THSD7B: variants seen among roughly 807,000 people sequenced by gnomAD.
THSD7B encodes the protein thrombospondin type 1 domain containing 7B.
THSD7B carries 138 observed loss-of-function variants against 213.6 expected under a neutral mutation model. The observed-to-expected ratio is 0.65, with a 90% confidence interval of 0.56 to 0.74. The LOEUF (loss-of-function observed/expected upper bound fraction) is 0.74, where lower values mean the gene tolerates loss of function less well. Ranked by LOEUF, THSD7B falls within the 30% of genes least tolerant of loss-of-function variation. The pLI, the probability that THSD7B is intolerant of heterozygous loss-of-function variation, is 0.00. For synonymous variants in THSD7B, 742 were observed against 687.0 expected, an observed-to-expected ratio of 1.08 and a Z score of -1.25; for missense variants, 1,931 against 1,991.5, an observed-to-expected ratio of 0.97 and a Z score of 0.58.
At chr2:137,202,956 G>A (rs1680909443) in intron 7 of THSD7B, among the ~76,000 whole-genome samples, 1 of 152,102 alleles carries the variant, frequency 6.6e-6, no homozygotes, top group Non-Finnish European at 1.5e-5. Context: ...GGGATAGATA[G>A]GTGATACATG....
chr2:136,959,676 A>G (rs1462588944), intron 2 of THSD7B, among the ~76,000 whole-genome samples: 2 of 152,208 alleles, frequency 1.3e-5, no homozygotes, highest in Non-Finnish European at 2.9e-5. Context: ...TTTTCAGCCT[A>G]AATTCTGGGT....
intron 15 of THSD7B, among the ~76,000 whole-genome samples, chr2:137,561,015 A>G (rs751821866): frequency 1.3e-5 from 2 of 152,172 alleles, no homozygotes; most frequent in African/African-American, 4.8e-5. Flanking sequence ...TTCTTAAATG[A>G]TAGACACATA....
chr2:137,221,398 C>T (rs983577336), intron 7 of THSD7B, among the ~76,000 whole-genome samples: 13 of 147,104 alleles, frequency 8.8e-5, no homozygotes, highest in East Asian at 6.0e-4. Flanking sequence ...TGTCCTGCCT[C>T]GTCATTTTGG....
In THSD7B at chr2:137,222,348, C is replaced by A. The variant is rs530263070; in HGVS notation, c.1724-8696C>A. On this transcript the variant is annotated intron_variant, in intron 7 of 27. Transcript: ENST00000409968. ...TCCAGACGTCCCAACTACTCATCAA[C>A]TATTCTGTCCATTATAATGCACTGT... Among the ~76,000 whole-genome samples, 24 of 152,312 alleles carry A rather than the reference C, an allele frequency of 1.6e-4. No homozygotes were observed. In the South Asian group the frequency reaches 5.0e-3, roughly 32 times the overall value.
intron 10 of THSD7B, among the ~76,000 whole-genome samples, chr2:137,247,963 T>A (rs765008846): frequency 1.7e-4 from 26 of 152,132 alleles, no homozygotes; most frequent in Non-Finnish European, 3.4e-4. Flanking sequence ...GATGGAACAG[T>A]GCCAGGTATA....
intron 2 of THSD7B, among the ~76,000 whole-genome samples, chr2:137,041,130 G>A (rs1490553168): frequency 6.6e-6 from 1 of 152,168 alleles, no homozygotes; most frequent in Non-Finnish European, 1.5e-5. Context: ...ATATTTTGTG[G>A]ATGGTTCAGG....
intron 12 of THSD7B, among the ~76,000 whole-genome samples, chr2:137,391,559 G>A (rs1183619096): frequency 1.3e-5 from 2 of 151,880 alleles, no homozygotes; most frequent in African/African-American, 4.8e-5. Context: ...ATGGTAGCAT[G>A]TGCCTGTATT....
chr2:136,789,180 G>A (rs1681919001), intron 1 of THSD7B, among the ~76,000 whole-genome samples: 1 of 151,820 alleles, frequency 6.6e-6, no homozygotes, highest in Non-Finnish European at 1.5e-5. Context: ...GTTTTTTTAA[G>A]TTTTTATAGT....
intron 12 of THSD7B, among the ~76,000 whole-genome samples, chr2:137,339,627 C>T (rs1684713422): frequency 6.6e-6 from 1 of 151,584 alleles, no homozygotes; most frequent in South Asian, 2.1e-4. Context: ...AAGAAAAGTG[C>T]TTTGACGTAA....
chr2:137,100,979 C>T (rs1374459943), intron 4 of THSD7B, among the ~76,000 whole-genome samples: 1 of 152,176 alleles, frequency 6.6e-6, no homozygotes, highest in East Asian at 1.9e-4. Flanking sequence ...CCAAGTTTTC[C>T]TTCTAGCACA....
At chr2:137,054,561 G>T (rs894471622) in intron 2 of THSD7B, among the ~76,000 whole-genome samples, 1 of 152,120 alleles carries the variant, frequency 6.6e-6, no homozygotes, top group South Asian at 2.1e-4. Flanking sequence ...ATGTGATTAC[G>T]TACATGTCTA....
At chr2:136,963,499 ACT>A (rs894983285) in intron 2 of THSD7B, among the ~76,000 whole-genome samples, 1 of 152,016 alleles carries the variant, frequency 6.6e-6, no homozygotes, top group Non-Finnish European at 1.5e-5. Context: ...AAAAAATAAT[ACT>A]GGCATGATGG....
intron 13 of THSD7B, among the ~76,000 whole-genome samples, chr2:137,409,580 T>C (rs977038668): frequency 6.6e-5 from 10 of 152,168 alleles, no homozygotes; most frequent in African/African-American, 2.4e-4. Flanking sequence ...TCATTTAAAA[T>C]TGAAGAAATA....
At chr2:137,655,692 C>A in intron 22 of THSD7B, 32 bp downstream of exon 22, 3 of 1,591,400 alleles carry the variant, frequency 1.9e-6, no homozygotes, top group Non-Finnish European at 2.6e-6. Flanking sequence ...GAGCGCCTCC[C>A]ATGGTGATCT....
chr2:136,790,819 A>G lies in THSD7B; in HGVS notation c.-36+25132A>G, dbSNP rs567589680. 3.3e-5 allele frequency among the ~76,000 whole-genome samples: 5 copies of G among 152,216 alleles called. No individual in the cohort carries two copies. In the East Asian group the frequency reaches 7.7e-4, roughly 24 times the overall value. ...ACGCTACAAACTGTGTATTACCTCT[A>G]AATAGAGAAACACCCAAGTGTAGCA... On this transcript the variant is annotated intron_variant, in intron 1 of 27. Coordinates refer to ENST00000409968, the MANE Select transcript of THSD7B (RefSeq NM_001316349.2).
intron 1 of THSD7B, among the ~76,000 whole-genome samples, chr2:136,858,775 G>A (rs1683214910): frequency 6.6e-6 from 1 of 152,122 alleles, no homozygotes; most frequent in Non-Finnish European, 1.5e-5. Context: ...TTACCACCCA[G>A]TGTGAAAATG....
intron 7 of THSD7B, among the ~76,000 whole-genome samples, chr2:137,207,480 T>C (rs929594397): frequency 6.6e-6 from 1 of 152,098 alleles, no homozygotes; most frequent in Non-Finnish European, 1.5e-5. Flanking sequence ...AATTTCTAGA[T>C]GTTTTTTGCT....
chr2:136,906,893 C>G (rs986072597), intron 2 of THSD7B, among the ~76,000 whole-genome samples: 85 of 130,414 alleles, frequency 6.5e-4, no homozygotes, highest in African/African-American at 2.3e-3. Flanking sequence ...TGCAAACTTT[C>G]ATTTACAATA....
chr2:137,436,826 C>T (rs1687303501), intron 14 of THSD7B, among the ~76,000 whole-genome samples: 2 of 152,280 alleles, frequency 1.3e-5, no homozygotes, highest in African/African-American at 2.4e-5. Context: ...ATTCTTTTCT[C>T]GTTTTGCCTC....
Sources: allele counts gnomAD v4.1 joint callset (sites outside exome capture counted in the v4.1 genomes callset), GRCh38; gene constraint gnomAD v4.1.1; transcripts MANE v1.5; gene names NCBI Gene and HGNC (gene_info 2026-07-23, HGNC 2026-07-21).